The following HIPK2 variants were observed in gnomAD, a reference collection of about 807,000 sequenced individuals.
HIPK2 encodes the protein homeodomain interacting protein kinase 2, also known as homeodomain-interacting protein kinase 2.
HIPK2 carries 27 observed loss-of-function variants against 113.7 expected under a neutral mutation model. The observed-to-expected ratio is 0.24, with a 90% confidence interval of 0.17 to 0.33. The LOEUF is 0.33. Among genes scored for constraint, HIPK2 ranks in the 10% least tolerant of loss-of-function variants. The pLI is 1.00. For missense variants in HIPK2, 1,257 were observed against 1,588.0 expected (o/e 0.79, Z 3.54); for synonymous variants, 631 against 642.2 (o/e 0.98, Z 0.26).
chr7:139,716,242 C>T lies in HIPK2; in HGVS notation c.793G>A (p.Glu265Lys). 1.2e-6 allele frequency: 2 copies of T among 1,614,048 alleles called. No homozygotes were observed. Among genetic ancestry groups the T allele is most frequent in the Non-Finnish European group, 1.7e-6 (2 of 1,179,916 alleles). Residue 265 changes from glutamate to lysine, a missense_variant, in exon 2 of 15, where the codon GAA (glutamate) becomes AAA (lysine). Glu to Lys is a moderately conservative substitution (Grantham distance 56). Transcript: ENST00000406875. The surrounding 1 kb of genome is among the most constrained non-coding windows in gnomAD (Gnocchi z 9.3). ...ADDYNFVRAY[E>K]CFQHKNHTCL... ...GTGTGGTTCTTGTGCTGGAAGCATTCGTAGGCCCGGACGAAGTTATAGTCA... is the reference window on the plus strand; with the variant it reads ...GTGTGGTTCTTGTGCTGGAAGCATTTGTAGGCCCGGACGAAGTTATAGTCA...
chr7:139,600,456 G>A lies in HIPK2; in HGVS notation c.2396C>T (p.Thr799Ile), dbSNP rs769442831. 3.1e-6 allele frequency: 5 copies of A among 1,613,756 alleles called. No homozygotes were observed. The highest frequency in any genetic ancestry group is 4.2e-6 in the Non-Finnish European group (5 of 1,179,892). Reference sequence around the variant, plus strand: ...GTGCTGCTTACTCTTCCGGGAGGAGGTGGTGCTGGTTGGCTGCTGCCGCAT... The same window carrying A: ...GTGCTGCTTACTCTTCCGGGAGGAGATGGTGCTGGTTGGCTGCTGCCGCAT... ...HVMRQQPTSTTSSRKSKQHQS... is the reference protein window; with the variant it reads ...HVMRQQPTSTISSRKSKQHQS... The change falls in exon 11 of 15, where the codon ACC becomes ATC. Residue 799 changes from threonine (T) to isoleucine (I), a missense_variant. Thr to Ile is a moderately conservative substitution (Grantham distance 89). Transcript: ENST00000406875.
In HIPK2 at chr7:139,716,192, C is replaced by A. The variant is rs756324420; in HGVS notation, c.843G>T (p.Glu281Asp). Reference protein sequence around the residue: ...NHTCLVFEMLEQNLYDFLKQN... With the variant: ...NHTCLVFEMLDQNLYDFLKQN... The stretch of plus-strand genomic sequence containing the variant: ...GCTTCAGAAAGTCATAGAGGTTCTG[C>A]TCCAACATCTCGAAGACCAAGCACG... Residue 281 changes from glutamate (E) to aspartate (D), a missense_variant, in exon 2 of 15, where the codon GAG (glutamate) becomes GAT (aspartate). Coordinates refer to ENST00000406875, the MANE Select transcript of HIPK2 (RefSeq NM_022740.5). The surrounding 1 kb of genome is among the most constrained non-coding windows in gnomAD (Gnocchi z 9.3). 20 of 1,613,926 alleles carry A rather than the reference C, an allele frequency of 1.2e-5. No individual in the cohort carries two copies. In the East Asian group the frequency reaches 2.0e-4, roughly 16 times the overall value.
chr7:139,636,088 C>G (rs1800803370), intron 2 of HIPK2, among the ~76,000 whole-genome samples: 1 of 152,210 alleles, frequency 6.6e-6, no homozygotes, highest in Non-Finnish European at 1.5e-5. Flanking sequence ...TTGTTGAGAT[C>G]AGCAGTGATC....
chr7:139,645,818 C>T (rs899683672), intron 2 of HIPK2, among the ~76,000 whole-genome samples: 2 of 152,202 alleles, frequency 1.3e-5, no homozygotes, highest in African/African-American at 4.8e-5. Flanking sequence ...CGTCTGCTCA[C>T]AGCACTCCTG....
chr7:139,661,828 G>C (rs1801876388), intron 2 of HIPK2, among the ~76,000 whole-genome samples: 1 of 152,126 alleles, frequency 6.6e-6, no homozygotes, highest in Non-Finnish European at 1.5e-5. Context: ...TAAATACTAT[G>C]CTTTTCTTAC....
intron 2 of HIPK2, among the ~76,000 whole-genome samples, chr7:139,693,000 G>C (rs573323756): frequency 6.6e-6 from 1 of 152,310 alleles, no homozygotes; most frequent in East Asian, 1.9e-4. Flanking sequence ...CACGACATTA[G>C]AACAGGAGAG....
chr7:139,628,557 C>A (rs1800506476), intron 5 of HIPK2, among the ~76,000 whole-genome samples: 1 of 152,084 alleles, frequency 6.6e-6, no homozygotes. Context: ...CCTCAGCCTC[C>A]CGAGTAGCTG....
At chr7:139,592,366 G>A (rs974410239) in intron 12 of HIPK2, among the ~76,000 whole-genome samples, 3 of 152,294 alleles carry the variant, frequency 2.0e-5, no homozygotes, top group East Asian at 3.9e-4. Context: ...GAGTGAATGC[G>A]TGAATGAATA....
Position 139,585,402 on chromosome 7 carries a change from G to A in HIPK2, c.2718-1338C>T, listed in dbSNP as rs149379055. Among the ~76,000 whole-genome samples, 755 of 152,330 alleles carry A rather than the reference G, an allele frequency of 5.0e-3. 7 individuals are homozygous for A. Among genetic ancestry groups the A allele is most frequent in the African/African-American group, 0.017 (703 of 41,582 alleles). On this transcript the variant is annotated intron_variant, in intron 12 of 14. Transcript: ENST00000406875. ...CTGGGGGGTGCAGTCCCCAGGAGGCGCTGGCCCTGCTCCCCAACGCCCAGC... is the reference window on the plus strand; with the variant it reads ...CTGGGGGGTGCAGTCCCCAGGAGGCACTGGCCCTGCTCCCCAACGCCCAGC...
chr7:139,652,900 T>C (rs1485681720), intron 2 of HIPK2, among the ~76,000 whole-genome samples: 1 of 152,022 alleles, frequency 6.6e-6, no homozygotes, highest in Non-Finnish European at 1.5e-5. Context: ...CCCAGCACTT[T>C]GGGAGGCCGG....
At chr7:139,768,241 G>A (rs1024131160) in intron 1 of HIPK2, among the ~76,000 whole-genome samples, 2 of 152,192 alleles carry the variant, frequency 1.3e-5, no homozygotes, top group Non-Finnish European at 2.9e-5. Context: ...TCTTATAACC[G>A]TGAAAGTCTG....
chr7:139,727,942 T>C (rs1175501381), intron 1 of HIPK2, among the ~76,000 whole-genome samples: 1 of 99,936 alleles, frequency 1.0e-5, no homozygotes, highest in Non-Finnish European at 2.2e-5. Context: ...CTAATTTTTT[T>C]TTTTTTTTTT....
intron 1 of HIPK2, among the ~76,000 whole-genome samples, chr7:139,756,503 C>T (rs1796365595): frequency 1.3e-5 from 2 of 152,258 alleles, no homozygotes; most frequent in Admixed American, 1.3e-4. Context: ...TGGCTCACTG[C>T]AACCTCTGCC....
intron 1 of HIPK2, among the ~76,000 whole-genome samples, chr7:139,759,062 G>A (rs911911897): frequency 6.6e-6 from 1 of 151,910 alleles, no homozygotes; most frequent in Non-Finnish European, 1.5e-5. Context: ...TCATAGCAAA[G>A]ACTATACATA....
At position 139,572,764 on chromosome 7, in the gene HIPK2, G is replaced by GCTC; in HGVS notation, c.*162_*163insGAG. The GCTC allele has an allele frequency of 1.1e-4, 3 of 27,800 alleles. 1 individual carries two copies. In the South Asian group the frequency reaches 3.2e-3, roughly 30 times the overall value. The allele number at this position is 27,800 out of a possible 1,614,324, so 1.7% of individuals were successfully genotyped here. ...GTCCCGACCCGTCCCCCTGCCCTCT[G>GCTC]CCCCCCCCCCCCCCCCCGCCCCTGC... is the stretch of plus-strand genomic sequence containing the variant. On this transcript the variant is annotated 3_prime_UTR_variant, in exon 15 of 15. Transcript: ENST00000406875.
chr7:139,578,425 C>T (rs1365107712), intron 13 of HIPK2, among the ~76,000 whole-genome samples: 5 of 152,144 alleles, frequency 3.3e-5, no homozygotes, highest in Admixed American at 1.3e-4. Context: ...GGATTACAGG[C>T]GTGAGCCACT....
chr7:139,732,512 T>C (rs1166352398), intron 1 of HIPK2, among the ~76,000 whole-genome samples: 1 of 152,180 alleles, frequency 6.6e-6, no homozygotes, highest in African/African-American at 2.4e-5. Flanking sequence ...ACAGACAGGA[T>C]GGCATTTGGT....
At chr7:139,743,537 C>G (rs4726451) in intron 1 of HIPK2, among the ~76,000 whole-genome samples, 1,543 of 152,324 alleles carry the variant, frequency 0.01, 94 homozygotes, top group Admixed American at 0.091. Context: ...TAGCACAGGA[C>G]AGAGGACTCC....
At chr7:139,715,367 A>G (rs1795194089) in intron 2 of HIPK2, among the ~76,000 whole-genome samples, 1 of 152,220 alleles carries the variant, frequency 6.6e-6, no homozygotes, top group African/African-American at 2.4e-5. Context: ...GCACGTGGAT[A>G]GACAAGGAAC....
Sources: gnomAD v4.1 joint callset for allele counts (sites outside exome capture counted in the v4.1 genomes callset) on GRCh38, gnomAD v4.1.1 for gene constraint, Gnocchi (gnomAD v3.1) non-coding constraint, MANE v1.5 for transcripts, NCBI Gene and HGNC (gene_info 2026-07-23, HGNC 2026-07-21) for gene names.